The following RXRB variants were observed in gnomAD, a reference collection of about 807,000 sequenced individuals.
RXRB encodes the protein retinoic acid receptor RXR-beta.
In RXRB, 18 loss-of-function variants were observed where a neutral mutation model predicts 52.5. The ratio of observed to expected loss-of-function variants is 0.34; its 90% CI spans 0.24 to 0.51. The LOEUF (loss-of-function observed/expected upper bound fraction) is 0.51. RXRB is among the 20% of genes least tolerant of loss of function. The pLI, the probability that RXRB is intolerant of heterozygous loss-of-function variation, is 0.97. For missense variants in RXRB, 455 were observed against 698.2 expected (o/e 0.65, Z 3.92); for synonymous variants, 233 against 267.1 (o/e 0.87, Z 1.25).
Position 33,194,349 on chromosome 6 carries a change from T to G in RXRB, c.*333A>C. ...AGATGGGAAGCAAAATGAGGCAAGA[T>G]GAGAAGGAAGCAAGGTCCTGGAGGC... On this transcript the variant is annotated 3_prime_UTR_variant, in exon 10 of 10. Transcript: ENST00000374680. The surrounding 1 kb of genome is among the most constrained non-coding windows in gnomAD (Gnocchi z 4.1). The G allele has an allele frequency of 3.8e-6, 1 of 261,686 alleles. No homozygotes were observed. Among genetic ancestry groups the G allele is most frequent in the East Asian group, 7.1e-5 (1 of 13,998 alleles). 16.2% of individuals were successfully genotyped at this position (261,686 alleles called of 1,614,324 possible). A position where few individuals can be genotyped will look rare whatever the true frequency, so the allele number is the denominator to read the frequency against.
chr6:33,199,069 A>G, intron 2 of RXRB, 100 bp downstream of exon 2: 1 of 824,558 alleles, frequency 1.2e-6, no homozygotes, highest in East Asian at 3.3e-5. Flanking sequence ...GAGGATTGGA[A>G]GGTCAATGGG....
chr6:33,198,549 C>T (rs1428788749), intron 2 of RXRB, 85 bp from the exon 3 acceptor site: 7 of 1,282,040 alleles, frequency 5.5e-6, no homozygotes, highest in Non-Finnish European at 7.9e-6. Flanking sequence ...TTCCCTACCA[C>T]TAAGCAAGGC....
chr6:33,199,897 A>G, intron 1 of RXRB: 1 of 663,982 alleles, frequency 1.5e-6, no homozygotes, highest in Non-Finnish European at 2.8e-6. Context: ...AAAGCCAGGT[A>G]GCCAGAGCGT....
At position 33,200,182 on chromosome 6, in the gene RXRB, G is replaced by T. The variant is rs1774359860; in HGVS notation, c.235+60C>A. On this transcript the variant is annotated intron_variant, in intron 1 of 9. Coordinates refer to ENST00000374680, the MANE Select transcript of RXRB (RefSeq NM_021976.5). This position sits in a 1 kb window ranked among gnomAD's most constrained non-coding sequence, Gnocchi z 6.3. ...GAAAAGAGCACCGGGGGAGGGTGTG[G>T]GGGAGGGGTCGCAGATAAAGCGGTC... 6.3e-7 allele frequency: 1 copy of T among 1,583,124 alleles called. No individual in the cohort carries two copies.
chr6:33,198,206 C>A, intron 3 of RXRB, 102 bp downstream of exon 3: 6 of 1,522,072 alleles, frequency 3.9e-6, no homozygotes, highest in Non-Finnish European at 5.5e-6. Flanking sequence ...AGGCCTCCCC[C>A]AGGTCACTTG....
At position 33,199,156 on chromosome 6, in the gene RXRB, C is replaced by A; in HGVS notation, c.483+13G>T. On this transcript the variant is annotated intron_variant, in intron 2 of 9. Transcript: ENST00000374680. ...GAAAGTGGCCAGGCAGTAAGTTGGT[C>A]ACAACCTCTCACCTGGGGGCTGCTG... is the stretch of plus-strand genomic sequence containing the variant. The A allele has an allele frequency of 7.7e-7, 1 of 1,296,542 alleles. No homozygotes were observed. Among genetic ancestry groups the A allele is most frequent in the South Asian group, 3.5e-5 (1 of 28,232 alleles). The allele number at this position is 1,296,542 out of a possible 1,614,324, so 80.3% of individuals were successfully genotyped here.
intron 3 of RXRB, 103 bp downstream of exon 3, chr6:33,198,205 C>G: frequency 6.6e-7 from 1 of 1,522,346 alleles, no homozygotes; most frequent in Non-Finnish European, 9.1e-7. Context: ...CAGGCCTCCC[C>G]CAGGTCACTT....
intron 1 of RXRB, chr6:33,199,914 G>A: frequency 1.4e-6 from 1 of 694,598 alleles, no homozygotes; most frequent in Non-Finnish European, 2.7e-6. Context: ...GCGTGCAAGG[G>A]AAAGAGACAG....
In RXRB at chr6:33,195,529, C is replaced by A; in HGVS notation, c.1256+41G>T. On this transcript the variant is annotated intron_variant, in intron 7 of 9. Coordinates refer to ENST00000374680, the MANE Select transcript of RXRB (RefSeq NM_021976.5). This position sits in a 1 kb window ranked among gnomAD's most constrained non-coding sequence, Gnocchi z 8.6. ...GGACACGGACCAGCCTATAGCCCCA[C>A]CCCCTCTATCTACATGCCAGCCTAG... The A allele has an allele frequency of 1.2e-6, 2 of 1,613,030 alleles. No homozygotes were observed. The highest frequency in any genetic ancestry group is 1.7e-6 in the Non-Finnish European group (2 of 1,179,984).
At position 33,194,826 on chromosome 6, in the gene RXRB, A is replaced by G; in HGVS notation, c.1458T>C (p.Phe486=). Residue 486 remains phenylalanine (F), a synonymous_variant, in exon 10 of 10, where the codon TTT becomes TTC. Coordinates refer to ENST00000374680, the MANE Select transcript of RXRB (RefSeq NM_021976.5). This position sits in a 1 kb window ranked among gnomAD's most constrained non-coding sequence, Gnocchi z 4.1. The part of the protein sequence containing the change: ...KQKYPEQQGR[F]AKLLLRLPAL... ...CAGGAAGACGTAGCAGCAGCTTGGC[A>G]AACCTGGGGTGGAGGTGGGAGAAGG... 6.2e-7 allele frequency: 1 copy of G among 1,612,762 alleles called. No individual in the cohort carries two copies. Among genetic ancestry groups the G allele is most frequent in the Non-Finnish European group, 8.5e-7 (1 of 1,179,962 alleles).
Position 33,199,178 on chromosome 6 carries a change from G to A in RXRB, c.474C>T (p.Ser158=), listed in dbSNP as rs1774191867. The A allele has an allele frequency of 7.7e-7, 1 of 1,297,890 alleles. No homozygotes were observed. The highest frequency in any genetic ancestry group is 1.5e-5 in the African/African-American group (1 of 66,282). 80.4% of individuals were successfully genotyped at this position (1,297,890 alleles called of 1,614,324 possible). The change falls in exon 2 of 10, where the codon AGC becomes AGT. Residue 158 remains serine, a synonymous_variant. Coordinates refer to ENST00000374680, the MANE Select transcript of RXRB (RefSeq NM_021976.5). The part of the protein sequence containing the change: ...PAPPGFSGPV[S]SPQINSTVSL... ...GGTCACAACCTCTCACCTGGGGGCTGCTGACAGGCCCGGAGAATCCTGGGG... is the reference window on the plus strand; with the variant it reads ...GGTCACAACCTCTCACCTGGGGGCTACTGACAGGCCCGGAGAATCCTGGGG...
Position 33,200,643 on chromosome 6 carries a change from G to A in RXRB, c.-167C>T. ...GTACCAAAATGACAGCGCCAATGTG[G>A]CAGCCATCTTTGTACAGACGGGAAG... is the stretch of plus-strand genomic sequence containing the variant. On this transcript the variant is annotated 5_prime_UTR_variant, in exon 1 of 10. Transcript: ENST00000374680. The surrounding 1 kb of genome is among the most constrained non-coding windows in gnomAD (Gnocchi z 6.3). 6.6e-7 allele frequency: 1 copy of A among 1,519,182 alleles called. No individual in the cohort carries two copies. The highest frequency in any genetic ancestry group is 8.8e-7 in the Non-Finnish European group (1 of 1,132,228). The allele number at this position is 1,519,182 out of a possible 1,614,324, so 94.1% of individuals were successfully genotyped here.
In RXRB at chr6:33,196,518, C is replaced by T; in HGVS notation, c.909G>A (p.Arg303=). The part of the protein sequence containing the change: ...GGAPEEMPVD[R]ILEAELAVEQ... ...CCACAGCAAGCTCTGCCTCCAGGAT[C>T]CTGTCCACAGGCATCTCCTCGGGGG... The change falls in exon 5 of 10, where the codon AGG becomes AGA. Residue 303 remains arginine (R), a synonymous_variant. Coordinates refer to ENST00000374680, the MANE Select transcript of RXRB (RefSeq NM_021976.5). This position sits in a 1 kb window ranked among gnomAD's most constrained non-coding sequence, Gnocchi z 4.0. 6.2e-7 allele frequency: 1 copy of T among 1,613,034 alleles called. No homozygotes were observed.
At position 33,197,436 on chromosome 6, in the gene RXRB, A is replaced by T. The variant is rs1773997057; in HGVS notation, c.820+326T>A. ...AGATCACAGATAACAGGAGACAGAGACCAGAGAAGGTCCATGGAATCAGAG... is the reference window on the plus strand; with the variant it reads ...AGATCACAGATAACAGGAGACAGAGTCCAGAGAAGGTCCATGGAATCAGAG... On this transcript the variant is annotated intron_variant, in intron 4 of 9. Transcript: ENST00000374680. This position sits in a 1 kb window ranked among gnomAD's most constrained non-coding sequence, Gnocchi z 4.4. 6.6e-6 allele frequency among the ~76,000 whole-genome samples: 1 copy of T among 152,182 alleles called. No individual in the cohort carries two copies. The highest frequency in any genetic ancestry group is 2.1e-4 in the South Asian group (1 of 4,818).
intron 2 of RXRB, among the ~76,000 whole-genome samples, chr6:33,198,931 AAAACACAC>A (rs1774151570): frequency 6.7e-6 from 1 of 149,980 alleles, no homozygotes; most frequent in African/African-American, 2.5e-5. Context: ...AAAAAAAAAA[AAAACACAC>A]ACACACACAC....
chr6:33,195,580 T>C lies in RXRB; in HGVS notation c.1246A>G (p.Ile416Val). The C allele has an allele frequency of 6.2e-7, 1 of 1,613,094 alleles. No individual in the cohort carries two copies. The change falls in exon 7 of 10, where the codon ATC (isoleucine) becomes GTC (valine). Residue 416 changes from isoleucine (I) to valine (V), a missense_variant. Ile to Val is a conservative substitution (Grantham distance 29). Transcript: ENST00000374680. This position sits in a 1 kb window ranked among gnomAD's most constrained non-coding sequence, Gnocchi z 8.6. ...NSAHSAGVGA[I>V]FDRVLTELVS... ...CCGAGGGCCACTGACCGATCAAAGA[T>C]GGCTCCTACTCCTGCTGAATGGGCT...
rs1774039779 is a variant in RXRB at position 33,197,868 on chromosome 6, T to C, written c.714A>G (p.Thr238=). ...AGTCTTTGTTGTCCCGGCAAGAGTA[T>C]GTAAGGTCTTTGCGGATGGTGCGTT... ...FFKRTIRKDL[T]YSCRDNKDCT... The change falls in exon 4 of 10, where the codon ACA becomes ACG. Residue 238 remains threonine (T), a synonymous_variant. Coordinates refer to ENST00000374680, the MANE Select transcript of RXRB (RefSeq NM_021976.5). This position sits in a 1 kb window ranked among gnomAD's most constrained non-coding sequence, Gnocchi z 4.4. 2 of 1,613,802 alleles carry C rather than the reference T, an allele frequency of 1.2e-6. No individual in the cohort carries two copies. The highest frequency in any genetic ancestry group is 2.2e-5 in the East Asian group (1 of 44,890).
chr6:33,197,977 A>C lies in RXRB; in HGVS notation c.641-36T>G. ...AGGGGAGGAGCAATAAGAAGGTTGC[A>C]TGGAGACACCTTCACCATTTAGTCT... On this transcript the variant is annotated intron_variant, in intron 3 of 9. Transcript: ENST00000374680. The surrounding 1 kb of genome is among the most constrained non-coding windows in gnomAD (Gnocchi z 4.4). 2 of 1,595,544 alleles carry C rather than the reference A, an allele frequency of 1.3e-6. No individual in the cohort carries two copies. Among genetic ancestry groups the C allele is most frequent in the Non-Finnish European group, 1.7e-6 (2 of 1,167,960 alleles).
chr6:33,199,732 G>A (rs897116900), intron 1 of RXRB: 1 of 433,672 alleles, frequency 2.3e-6, no homozygotes, highest in Non-Finnish European at 4.4e-6. Flanking sequence ...ATTGTGGTGA[G>A]AGGAGGGAGT....
Sources: allele counts gnomAD v4.1 joint callset (sites outside exome capture counted in the v4.1 genomes callset), GRCh38; gene constraint gnomAD v4.1.1; non-coding constraint Gnocchi (gnomAD v3.1); transcripts MANE v1.5; gene names NCBI Gene and HGNC (gene_info 2026-07-23, HGNC 2026-07-21).